The following CD109 variants were observed in gnomAD, a reference collection of about 807,000 sequenced individuals.
CD109 encodes the protein CD109 antigen.
In CD109, 149 loss-of-function variants were observed where a neutral mutation model predicts 165.8. The ratio of observed to expected loss-of-function variants is 0.90; its 90% CI spans 0.79 to 1.03. The LOEUF (loss-of-function observed/expected upper bound fraction) is 1.03, where lower values mean the gene tolerates loss of function less well. CD109 is among the 50% of genes least tolerant of loss of function. CD109 has a pLI of 0.00. For synonymous variants in CD109, 585 were observed against 592.1 expected, an observed-to-expected ratio of 0.99 and a Z score of 0.18; for missense variants, 1,712 against 1,677.8, an observed-to-expected ratio of 1.02 and a Z score of -0.36.
At chr6:73,702,276 A>C (rs1213061951) in intron 2 of CD109, among the ~76,000 whole-genome samples, 1 of 152,126 alleles carries the variant, frequency 6.6e-6, no homozygotes, top group Non-Finnish European at 1.5e-5. Context: ...AAGGGTGGGA[A>C]ATTTTTAAAA....
intron 23 of CD109, among the ~76,000 whole-genome samples, chr6:73,796,998 T>C (rs1000446631): frequency 2.0e-5 from 3 of 152,230 alleles, no homozygotes; most frequent in African/African-American, 7.2e-5. Context: ...GAGACTCTCT[T>C]TTTTCTTTTG....
intron 23 of CD109, among the ~76,000 whole-genome samples, chr6:73,798,590 A>G (rs865880712): frequency 1.3e-5 from 2 of 151,796 alleles, no homozygotes; most frequent in Non-Finnish European, 2.9e-5. Flanking sequence ...TTACTTTTCC[A>G]TGGGAGCAGA....
chr6:73,801,166 T>C (rs1253323305), intron 23 of CD109, among the ~76,000 whole-genome samples: 2 of 152,254 alleles, frequency 1.3e-5, no homozygotes, highest in Non-Finnish European at 2.9e-5. Flanking sequence ...GACAGTGGCC[T>C]TGGAGCCAGT....
intron 21 of CD109, among the ~76,000 whole-genome samples, chr6:73,787,850 T>C (rs1445093328): frequency 6.6e-6 from 1 of 152,206 alleles, no homozygotes; most frequent in Admixed American, 6.5e-5. Flanking sequence ...ATGAGCATAG[T>C]GGATAAACAC....
At chr6:73,690,410 TG>T in the CD109 span, among the ~76,000 whole-genome samples, 1 of 152,126 alleles carries the variant, frequency 6.6e-6, no homozygotes, top group Non-Finnish European at 1.5e-5. Flanking sequence ...TTTTTTTGTT[TG>T]TTTTTTTGAG....
rs1773720079 is a variant in CD109 at position 73,763,573 on chromosome 6, A to G, written c.998-3A>G. 1 of 1,517,992 alleles carries G rather than the reference A, an allele frequency of 6.6e-7. No homozygotes were observed. Among genetic ancestry groups the G allele is most frequent in the Non-Finnish European group, 9.0e-7 (1 of 1,114,032 alleles). 94.0% of individuals were successfully genotyped at this position (1,517,992 alleles called of 1,614,324 possible). On this transcript the variant is annotated splice_region_variant and splice_polypyrimidine_tract_variant and intron_variant, in intron 9 of 32. Coordinates refer to ENST00000287097, the MANE Select transcript of CD109 (RefSeq NM_133493.5). ...TTTCTAAATTGTGCAATTTCCAAAA[A>G]AGGTATTTCAAGAAATGTAAGCACT...
chr6:73,747,087 C>T (rs1773009703), intron 5 of CD109, among the ~76,000 whole-genome samples: 1 of 152,194 alleles, frequency 6.6e-6, no homozygotes, highest in Non-Finnish European at 1.5e-5. Context: ...AGGTCCTATT[C>T]TTCACATCTA....
intron 1 of CD109, 34 bp downstream of exon 1, chr6:73,696,323 G>T (rs1293036227): frequency 7.1e-7 from 1 of 1,415,424 alleles, no homozygotes. Context: ...GCGCGCGGGC[G>T]CGCGGGCCTG....
At chr6:73,744,985 G>A (rs931499304) in intron 5 of CD109, among the ~76,000 whole-genome samples, 2 of 152,212 alleles carry the variant, frequency 1.3e-5, no homozygotes, top group South Asian at 2.1e-4. Context: ...GATAAGTGAC[G>A]TGACCTGGTT....
intron 10 of CD109, among the ~76,000 whole-genome samples, chr6:73,765,239 G>A (rs1270537628): frequency 1.3e-5 from 2 of 152,018 alleles, no homozygotes; most frequent in African/African-American, 4.8e-5. Context: ...GTGTGCAGGA[G>A]GATGGCTGTA....
At chr6:73,789,813 T>A in intron 22 of CD109, among the ~76,000 whole-genome samples, 1 of 145,808 alleles carries the variant, frequency 6.9e-6, no homozygotes, top group Non-Finnish European at 1.5e-5. Context: ...CAGGCTAGAG[T>A]GCAGTGGCAG....
chr6:73,826,825 G>C lies in CD109; in HGVS notation c.*3192G>C, dbSNP rs1776291638. The C allele has an allele frequency of 6.7e-6, 1 of 149,984 alleles. No individual in the cohort carries two copies. Among genetic ancestry groups the C allele is most frequent in the African/African-American group, 2.5e-5 (1 of 40,748 alleles). The allele number at this position is 149,984 out of a possible 1,614,324, so 9.3% of individuals were successfully genotyped here. On this transcript the variant is annotated 3_prime_UTR_variant, in exon 33 of 33. Transcript: ENST00000287097. ...AATTGTAGATAGCATAACTCTCCCT[G>C]CTCCTATTCTTTTGAGCCTAGGTAT...
intron 14 of CD109, among the ~76,000 whole-genome samples, chr6:73,769,087 G>C (rs1773948654): frequency 6.6e-6 from 1 of 151,982 alleles, no homozygotes; most frequent in Non-Finnish European, 1.5e-5. Flanking sequence ...AGAGGGTTTT[G>C]CCATGTTGCT....
chr6:73,712,077 G>A lies in CD109; in HGVS notation c.248-11174G>A, dbSNP rs575927633. On this transcript the variant is annotated intron_variant, in intron 2 of 32. Transcript: ENST00000287097. ...ATACAAAAATTAGCCGGGTATGGTGGCGCATGCCTCTAATCCCAGCTACTG... is the reference window on the plus strand; with the variant it reads ...ATACAAAAATTAGCCGGGTATGGTGACGCATGCCTCTAATCCCAGCTACTG... 8.5e-5 allele frequency among the ~76,000 whole-genome samples: 13 copies of A among 152,270 alleles called. No homozygotes were observed. In the South Asian group the frequency reaches 2.7e-3, roughly 32 times the overall value.
chr6:73,771,343 C>T (rs1348906469), intron 14 of CD109, 86 bp from the exon 15 acceptor site: 7 of 1,020,474 alleles, frequency 6.9e-6, no homozygotes, highest in Non-Finnish European at 1.0e-5. Flanking sequence ...AGAATCTTTG[C>T]TATATTTTGG....
intron 7 of CD109, among the ~76,000 whole-genome samples, chr6:73,760,682 C>T (rs1275506358): frequency 6.6e-6 from 1 of 151,746 alleles, no homozygotes. Context: ...TCCATTTCTA[C>T]TGAAAATACA....
At chr6:73,724,796 T>C (rs6933300) in intron 3 of CD109, among the ~76,000 whole-genome samples, 114,100 of 151,606 alleles carry the variant, frequency 0.75, 43,521 homozygotes, top group Non-Finnish European at 0.82. Context: ...AGAAACAGGT[T>C]TCCCTATGTT....
chr6:73,766,010 A>G lies in CD109; in HGVS notation c.1188A>G (p.Arg396=). 6.2e-7 allele frequency: 1 copy of G among 1,614,116 alleles called. No individual in the cohort carries two copies. Residue 396 remains arginine, a synonymous_variant, in exon 11 of 33, where the codon AGA becomes AGG. Coordinates refer to ENST00000287097, the MANE Select transcript of CD109 (RefSeq NM_133493.5). ...ATGTAGTCATAACAGTGACACAGAG[A>G]AACTATACTGAGTACTGGAGCGGAT... ...RNNVVITVTQ[R]NYTEYWSGSN...
intron 26 of CD109, 73 bp downstream of exon 26, chr6:73,808,321 C>A: frequency 6.7e-7 from 1 of 1,482,148 alleles, no homozygotes; most frequent in Non-Finnish European, 9.1e-7. Context: ...AATTTTTAGC[C>A]AGGTTTGAAA....
Sources: allele counts gnomAD v4.1 joint callset (sites outside exome capture counted in the v4.1 genomes callset), GRCh38; gene constraint gnomAD v4.1.1; transcripts MANE v1.5; gene names NCBI Gene and HGNC (gene_info 2026-07-23, HGNC 2026-07-21).